The following SIGLEC15 variants were observed in gnomAD, a reference collection of about 807,000 sequenced individuals.
The protein encoded by SIGLEC15 is sialic acid binding Ig like lectin 15.
In SIGLEC15, 31 loss-of-function variants were observed where a neutral mutation model predicts 26.2. The observed-to-expected ratio is 1.18, with a 90% confidence interval of 0.89 to 1.60. The LOEUF (loss-of-function observed/expected upper bound fraction) is 1.60. Among genes scored for constraint, SIGLEC15 ranks in the 40% most tolerant of loss-of-function variants. SIGLEC15 has a pLI of 0.00. For synonymous variants in SIGLEC15, 207 were observed against 221.9 expected (o/e 0.93, Z 0.60); for missense variants, 501 against 488.4 (o/e 1.03, Z -0.24).
At chr18:45,828,413 A>C (rs2048203882) in intron 1 of SIGLEC15, among the ~76,000 whole-genome samples, 1 of 151,824 alleles carries the variant, frequency 6.6e-6, no homozygotes, top group African/African-American at 2.4e-5. Context: ...CTCCCCCCAT[A>C]TCTGCTTTTA....
intron 1 of SIGLEC15, among the ~76,000 whole-genome samples, chr18:45,831,410 C>T (rs2048233772): frequency 6.6e-6 from 1 of 152,208 alleles, no homozygotes; most frequent in Non-Finnish European, 1.5e-5. Flanking sequence ...AAACCACATT[C>T]TAGCTTTTCA....
chr18:45,838,654 C>A (rs1453573948), intron 3 of SIGLEC15, 64 bp from the exon 4 acceptor site: 1 of 1,457,716 alleles, frequency 6.9e-7, no homozygotes, highest in Non-Finnish European at 9.0e-7. Flanking sequence ...CCCTCCGGCT[C>A]TGGCGTCCAA....
At chr18:45,837,419 G>A in intron 2 of SIGLEC15, 94 bp from the exon 3 acceptor site, 1 of 1,386,426 alleles carries the variant, frequency 7.2e-7, no homozygotes, top group Non-Finnish European at 9.3e-7. Context: ...TAGGGGTTGG[G>A]GGAGCGTTTC....
At position 45,838,807 on chromosome 18, in the gene SIGLEC15, G is replaced by A. The variant is rs752737426; in HGVS notation, c.586G>A (p.Ala196Thr). ...LCTAEGEPPP[A>T]LAWSGPALGN... ...CACTGCCGAAGGGGAGCCGCCGCCC[G>A]CCCTCGCCTGGTCCGGCCCGGCCCT... The change falls in exon 4 of 6, where the codon GCC (alanine) becomes ACC (threonine). Residue 196 changes from alanine to threonine, a missense_variant. Transcript: ENST00000389474. The A allele has an allele frequency of 2.1e-5, 33 of 1,558,120 alleles. No homozygotes were observed. Among genetic ancestry groups the A allele is most frequent in the Non-Finnish European group, 2.8e-5 (33 of 1,158,886 alleles).
intron 1 of SIGLEC15, among the ~76,000 whole-genome samples, chr18:45,836,118 C>T (rs746783033): frequency 2.0e-5 from 3 of 152,196 alleles, no homozygotes; most frequent in Non-Finnish European, 2.9e-5. Context: ...TGGGTTAGGG[C>T]TGAGAAGACT....
chr18:45,833,786 A>G lies in SIGLEC15; in HGVS notation c.53-3243A>G, dbSNP rs189960974. ...AAAGGGCAAAGACCAAGGTATAGATATATAGGACCGAATATGAGGGAAAAG... is the reference window on the plus strand; with the variant it reads ...AAAGGGCAAAGACCAAGGTATAGATGTATAGGACCGAATATGAGGGAAAAG... On this transcript the variant is annotated intron_variant, in intron 1 of 5. Transcript: ENST00000389474. 4.5e-4 allele frequency among the ~76,000 whole-genome samples: 69 copies of G among 152,344 alleles called. 1 individual carries two copies. The highest frequency in any genetic ancestry group is 2.5e-3 in the Admixed American group (39 of 15,310).
intron 1 of SIGLEC15, among the ~76,000 whole-genome samples, chr18:45,832,132 T>A (rs1194947304): frequency 3.3e-5 from 5 of 152,246 alleles, no homozygotes. Flanking sequence ...CTAACACATA[T>A]GGAGCATTTG....
Position 45,837,738 on chromosome 18 carries a change from G to A in SIGLEC15, c.338G>A (p.Arg113His), listed in dbSNP as rs1456350517. Residue 113 changes from arginine to histidine, a missense_variant, in exon 3 of 6, where the codon CGC becomes CAC. By Grantham distance (29) the Arg-to-His change is conservative (BLOSUM62 0). Transcript: ENST00000389474. ...CAGACGGCGCTGAGCCTGCACGGCC[G>A]CTTCCGGCTGCTGGGCAACCCGCGC... Reference protein sequence around the residue: ...LCQTALSLHGRFRLLGNPRRN... With the variant: ...LCQTALSLHGHFRLLGNPRRN... 51 of 1,508,614 alleles carry A rather than the reference G, an allele frequency of 3.4e-5. No homozygotes were observed. The highest frequency in any genetic ancestry group is 4.4e-5 in the Non-Finnish European group (50 of 1,137,064). 93.5% of individuals were successfully genotyped at this position (1,508,614 alleles called of 1,614,324 possible).
At chr18:45,832,834 T>C (rs1031061631) in intron 1 of SIGLEC15, among the ~76,000 whole-genome samples, 3 of 152,242 alleles carry the variant, frequency 2.0e-5, no homozygotes, top group South Asian at 4.2e-4. Flanking sequence ...CGCATTTTTT[T>C]CCCTGGGCAA....
chr18:45,838,599 G>A (rs1002973301), intron 3 of SIGLEC15, 119 bp from the exon 4 acceptor site: 14 of 1,332,630 alleles, frequency 1.1e-5, no homozygotes, highest in Non-Finnish European at 1.1e-5. Context: ...GACGGGGGCA[G>A]CCTGGCACCC....
intron 1 of SIGLEC15, among the ~76,000 whole-genome samples, chr18:45,832,944 C>T (rs973143142): frequency 5.3e-5 from 8 of 152,132 alleles, no homozygotes; most frequent in African/African-American, 1.9e-4. Flanking sequence ...TTCTTTGAAT[C>T]CCATTCAGCA....
chr18:45,839,016 C>A lies in SIGLEC15; in HGVS notation c.795C>A (p.Ala265=). The part of the protein sequence containing the change: ...FHGASGASTV[A]LLLGALGFKA... ...GCGCCAGCGGGGCCTCGACGGTCGC[C>A]CTCCTGCTCGGCGCTCTCGGCTTCA... Residue 265 remains alanine (A), a synonymous_variant, in exon 4 of 6, where the codon GCC becomes GCA. Coordinates refer to ENST00000389474, the MANE Select transcript of SIGLEC15 (RefSeq NM_213602.3). 1 of 1,587,064 alleles carries A rather than the reference C, an allele frequency of 6.3e-7. No homozygotes were observed. The highest frequency in any genetic ancestry group is 8.5e-7 in the Non-Finnish European group (1 of 1,173,494).
chr18:45,829,614 G>T (rs1356307339), intron 1 of SIGLEC15, among the ~76,000 whole-genome samples: 1 of 152,076 alleles, frequency 6.6e-6, no homozygotes, highest in African/African-American at 2.4e-5. Context: ...TGCCGGAAGT[G>T]CCACCCCCGG....
intron 1 of SIGLEC15, among the ~76,000 whole-genome samples, chr18:45,835,092 G>T (rs565402720): frequency 1.3e-5 from 2 of 152,206 alleles, no homozygotes; most frequent in South Asian, 4.1e-4. Context: ...AAAAAAAGGA[G>T]ATTAGGCTTA....
chr18:45,831,913 T>G (rs939443996), intron 1 of SIGLEC15, among the ~76,000 whole-genome samples: 1 of 152,108 alleles, frequency 6.6e-6, no homozygotes. Flanking sequence ...AATTTTTGTG[T>G]TTTTAGTAGA....
At chr18:45,832,719 G>T (rs1234933226) in intron 1 of SIGLEC15, among the ~76,000 whole-genome samples, 1 of 152,226 alleles carries the variant, frequency 6.6e-6, no homozygotes, top group Non-Finnish European at 1.5e-5. Context: ...CATGATTCCA[G>T]TTCAGGAATC....
Position 45,840,244 on chromosome 18 carries a change from A to T in SIGLEC15, c.905+3A>T. The T allele has an allele frequency of 6.2e-7, 1 of 1,611,754 alleles. No homozygotes were observed. The highest frequency in any genetic ancestry group is 1.7e-5 in the Admixed American group (1 of 59,722). The stretch of plus-strand genomic sequence containing the variant: ...GACACCCCGGACACCCCACCACGGT[A>T]AGTGAGCTCCCCGCCTCCACCCTAC... On this transcript the variant is annotated splice_donor_region_variant and intron_variant, in intron 5 of 5. Coordinates refer to ENST00000389474, the MANE Select transcript of SIGLEC15 (RefSeq NM_213602.3).
chr18:45,838,701 C>T lies in SIGLEC15; in HGVS notation c.497-17C>T, dbSNP rs201405083. 576 of 1,554,562 alleles carry T rather than the reference C, an allele frequency of 3.7e-4. 2 individuals carry two copies. In the African/African-American group the frequency reaches 7.4e-3, roughly 20 times the overall value. On this transcript the variant is annotated splice_polypyrimidine_tract_variant and intron_variant, in intron 3 of 5. Transcript: ENST00000389474. ...GAGGGGTGCCCTTGTGACAGTCACC[C>T]GCCTTCTCCCCTGCAGCCGCGCCGC...
Position 45,842,461 on chromosome 18 carries a change from G to GAC in SIGLEC15, c.*274_*275insAC. 9.6e-6 allele frequency: 4 copies of GAC among 416,358 alleles called. No homozygotes were observed. The highest frequency in any genetic ancestry group is 1.3e-5 in the Non-Finnish European group (3 of 226,314). The allele number at this position is 416,358 out of a possible 1,614,324, so 25.8% of individuals were successfully genotyped here. A position where few individuals can be genotyped will look rare whatever the true frequency, so the allele number is the denominator to read the frequency against. On this transcript the variant is annotated 3_prime_UTR_variant, in exon 6 of 6. Coordinates refer to ENST00000389474, the MANE Select transcript of SIGLEC15 (RefSeq NM_213602.3). ...TGTGTGTGAGAGAGAGAGAGAGAGAGTACACGCATTAGCTTGAGCGTGAAA... is the reference window on the plus strand; with the variant it reads ...TGTGTGTGAGAGAGAGAGAGAGAGAGACTACACGCATTAGCTTGAGCGTGAAA...
Sources: gnomAD v4.1 joint callset for allele counts (sites outside exome capture counted in the v4.1 genomes callset) on GRCh38, gnomAD v4.1.1 for gene constraint, MANE v1.5 for transcripts, NCBI Gene and HGNC (gene_info 2026-07-23, HGNC 2026-07-21) for gene names.